The following FZD3 variants were observed in gnomAD, a reference collection of about 807,000 sequenced individuals.
FZD3 encodes frizzled class receptor 3.
Under a neutral mutation model 60.7 loss-of-function variants are expected in FZD3, and 30 were observed. That is an observed-to-expected ratio of 0.49 (90% CI 0.37 to 0.67). FZD3 has a LOEUF of 0.67. Among genes scored for constraint, FZD3 ranks in the 30% least tolerant of loss-of-function variants. The pLI is 0.00. For synonymous variants in FZD3, 246 were observed against 275.2 expected (o/e 0.89, Z 1.05); for missense variants, 605 against 838.7 (o/e 0.72, Z 3.44).
At chr8:28,551,373 G>A (rs1805407872) in intron 5 of FZD3, among the ~76,000 whole-genome samples, 2 of 152,058 alleles carry the variant, frequency 1.3e-5, no homozygotes, top group Admixed American at 6.5e-5. Context: ...AATTACCTGG[G>A]CATATTGGCA....
chr8:28,525,121 T>TG (rs1804683543), intron 4 of FZD3, among the ~76,000 whole-genome samples: 1 of 152,182 alleles, frequency 6.6e-6, no homozygotes, highest in African/African-American at 2.4e-5. Context: ...TCTGATTACT[T>TG]GGGTTAGGGT....
At chr8:28,537,754 T>A (rs1342850225) in intron 5 of FZD3, among the ~76,000 whole-genome samples, 2 of 152,248 alleles carry the variant, frequency 1.3e-5, no homozygotes, top group Non-Finnish European at 2.9e-5. Context: ...ATATAAATTG[T>A]CACTGTTGCA....
Position 28,555,987 on chromosome 8 carries a change from AG to A in FZD3, c.1787+17del, listed in dbSNP as rs1447655871. Reference sequence around the variant, plus strand: ...GTGATGGCAGGTGAGTTTTGTTAGTAGTGTAGTTTATTTCATAAGCTGAATT... The same window carrying A: ...GTGATGGCAGGTGAGTTTTGTTAGTATGTAGTTTATTTCATAAGCTGAATT... On this transcript the variant is annotated intron_variant, in intron 7 of 7. Transcript: ENST00000240093. 1.3e-6 allele frequency: 2 copies of A among 1,492,090 alleles called. No homozygotes were observed. The highest frequency in any genetic ancestry group is 2.8e-5 in the African/African-American group (2 of 72,508). 92.4% of individuals were successfully genotyped at this position (1,492,090 alleles called of 1,614,324 possible).
chr8:28,527,196 G>C lies in FZD3; in HGVS notation c.436G>C (p.Ala146Pro), dbSNP rs1396952021. 6.2e-7 allele frequency: 1 copy of C among 1,613,678 alleles called. No individual in the cohort carries two copies. The highest frequency in any genetic ancestry group is 1.7e-5 in the Admixed American group (1 of 59,956). Residue 146 changes from alanine (A) to proline (P), a missense_variant, in exon 5 of 8, where the codon GCT becomes CCT. Coordinates refer to ENST00000240093, the MANE Select transcript of FZD3 (RefSeq NM_017412.4). This position sits in a 1 kb window ranked among gnomAD's most constrained non-coding sequence, Gnocchi z 5.0. ...PYPRLVDLNL[A>P]GEPTEGAPVA... ...TCCTCGACTTGTGGATCTGAATTTA[G>C]CTGGAGAACCAACTGAAGGAGCCCC... is the stretch of plus-strand genomic sequence containing the variant.
chr8:28,532,166 C>A (rs1341011058), intron 5 of FZD3, among the ~76,000 whole-genome samples: 1 of 152,128 alleles, frequency 6.6e-6, no homozygotes, highest in Non-Finnish European at 1.5e-5. Flanking sequence ...ATTTGTATAA[C>A]CATGTGTCAA....
At position 28,502,709 on chromosome 8, in the gene FZD3, T is replaced by C. The variant is rs1804028370; in HGVS notation, c.-305T>C. ...GGAAGAAATAGCTCTTCTCCTAAGA[T>C]GGAATCTGTGGTTTGGGAATGTGGT... On this transcript the variant is annotated 5_prime_UTR_variant, in exon 3 of 8. The change abolishes an upstream ATG in the 5' untranslated region. Transcript: ENST00000240093. The C allele has an allele frequency of 4.9e-6, 1 of 203,982 alleles. No homozygotes were observed. Among genetic ancestry groups the C allele is most frequent in the Non-Finnish European group, 9.8e-6 (1 of 102,540 alleles). The allele number at this position is 203,982 out of a possible 1,614,324, so 12.6% of individuals were successfully genotyped here. A position where few individuals can be genotyped will look rare whatever the true frequency, so the allele number is the denominator to read the frequency against.
chr8:28,509,943 G>T (rs1804240120), intron 3 of FZD3, among the ~76,000 whole-genome samples: 1 of 152,096 alleles, frequency 6.6e-6, no homozygotes, highest in Admixed American at 6.5e-5. Context: ...TTTGGGGTTT[G>T]TAGTCAGAAG....
rs1444774096 is a variant in FZD3 at position 28,563,757 on chromosome 8, G to A, written c.*746G>A. On this transcript the variant is annotated 3_prime_UTR_variant, in exon 8 of 8. Transcript: ENST00000240093. ...GTTTTTATAACTTATCCATATGCATGATGGAAAAATTTTAATTTGTAGCCA... is the reference window on the plus strand; with the variant it reads ...GTTTTTATAACTTATCCATATGCATAATGGAAAAATTTTAATTTGTAGCCA... 1 of 152,516 alleles carries A rather than the reference G, an allele frequency of 6.6e-6. No individual in the cohort carries two copies. The highest frequency in any genetic ancestry group is 1.5e-5 in the Non-Finnish European group (1 of 68,028). 9.4% of individuals were successfully genotyped at this position (152,516 alleles called of 1,614,324 possible).
At position 28,573,095 on chromosome 8, in the gene FZD3, T is replaced by A. The variant is rs1805834374; in HGVS notation, c.*10084T>A. ...GCTTGGTACACTTCTTCCTAGGCAA[T>A]ATGCTCATGATACCCTCTTCATGTG... is the stretch of plus-strand genomic sequence containing the variant. On this transcript the variant is annotated 3_prime_UTR_variant, in exon 8 of 8. Transcript: ENST00000240093. 6.6e-6 allele frequency: 1 copy of A among 152,146 alleles called. No individual in the cohort carries two copies. Among genetic ancestry groups the A allele is most frequent in the Non-Finnish European group, 1.5e-5 (1 of 68,014 alleles). The allele number at this position is 152,146 out of a possible 1,614,324, so 9.4% of individuals were successfully genotyped here. A position where few individuals can be genotyped will look rare whatever the true frequency, so the allele number is the denominator to read the frequency against.
At position 28,549,273 on chromosome 8, in the gene FZD3, C is replaced by T. The variant is rs370812275; in HGVS notation, c.1405-2330C>T. Among the ~76,000 whole-genome samples, 26 of 152,314 alleles carry T rather than the reference C, an allele frequency of 1.7e-4. 1 individual carries two copies. Among genetic ancestry groups the T allele is most frequent in the African/African-American group, 4.8e-4 (20 of 41,568 alleles). The stretch of plus-strand genomic sequence containing the variant: ...TCTTTGAAGGCCCCACCTCCAAATA[C>T]AGTCACATTCTGAGGTACTGGGAGT... On this transcript the variant is annotated intron_variant, in intron 5 of 7. Transcript: ENST00000240093.
rs1198239439 is a variant in FZD3 at position 28,573,460 on chromosome 8, C to G, written c.*10449C>G. On this transcript the variant is annotated 3_prime_UTR_variant, in exon 8 of 8. Transcript: ENST00000240093. ...AGCTTGGAAATCTGCCCCCTTTGCC[C>G]AAACCCATGTGATGTCTGAAACTAC... 6.6e-6 allele frequency: 1 copy of G among 151,768 alleles called. No individual in the cohort carries two copies. Among genetic ancestry groups the G allele is most frequent in the Non-Finnish European group, 1.5e-5 (1 of 67,930 alleles). 9.4% of individuals were successfully genotyped at this position (151,768 alleles called of 1,614,324 possible).
chr8:28,559,573 C>G (rs1805578187), intron 7 of FZD3, among the ~76,000 whole-genome samples: 1 of 152,050 alleles, frequency 6.6e-6, no homozygotes, highest in Admixed American at 6.5e-5. Context: ...AATGCAAGAG[C>G]CAGAATGACA....
At chr8:28,543,455 A>T (rs538728971) in intron 5 of FZD3, among the ~76,000 whole-genome samples, 2 of 152,006 alleles carry the variant, frequency 1.3e-5, no homozygotes, top group East Asian at 3.9e-4. Context: ...GTCTCGGCTC[A>T]CTGCACCCTC....
chr8:28,494,263 C>G lies in FZD3; in HGVS notation c.-471C>G, dbSNP rs1043373619. On this transcript the variant is annotated 5_prime_UTR_variant, in exon 1 of 8. Transcript: ENST00000240093. ...GCGCGCCGGCGTTCCTCGGCCGCTCCGGGTACCTGAGGGACGCGCGGCCGC... is the reference window on the plus strand; with the variant it reads ...GCGCGCCGGCGTTCCTCGGCCGCTCGGGGTACCTGAGGGACGCGCGGCCGC... The G allele has an allele frequency of 6.6e-6, 1 of 151,754 alleles. No homozygotes were observed. The highest frequency in any genetic ancestry group is 2.4e-5 in the African/African-American group (1 of 41,372). The allele number at this position is 151,754 out of a possible 1,614,324, so 9.4% of individuals were successfully genotyped here. A position where few individuals can be genotyped will look rare whatever the true frequency, so the allele number is the denominator to read the frequency against.
Position 28,563,037 on chromosome 8 carries a change from T to C in FZD3, c.*26T>C, listed in dbSNP as rs755116965. 1.3e-5 allele frequency: 20 copies of C among 1,521,248 alleles called. No homozygotes were observed. Among genetic ancestry groups the C allele is most frequent in the Non-Finnish European group, 1.6e-5 (18 of 1,095,476 alleles). The allele number at this position is 1,521,248 out of a possible 1,614,324, so 94.2% of individuals were successfully genotyped here. A position where few individuals can be genotyped will look rare whatever the true frequency, so the allele number is the denominator to read the frequency against. On this transcript the variant is annotated 3_prime_UTR_variant, in exon 8 of 8. Transcript: ENST00000240093. ...TTTGTCTTGTCTAAGGTGGAAATCT[T>C]GTGCTGTTTAAAAAGCAGATTTTAT...
intron 3 of FZD3, among the ~76,000 whole-genome samples, chr8:28,505,847 G>A (rs1191567614): frequency 6.6e-6 from 1 of 152,120 alleles, no homozygotes; most frequent in East Asian, 1.9e-4. Flanking sequence ...ATTGAGATTG[G>A]GACATGTTTA....
chr8:28,499,756 G>T (rs1803941988), intron 1 of FZD3, among the ~76,000 whole-genome samples, 177 bp from the exon 2 acceptor site: 1 of 152,148 alleles, frequency 6.6e-6, no homozygotes, highest in Admixed American at 6.5e-5. Context: ...TATTATTAGT[G>T]AAGTTGAATA....
intron 3 of FZD3, among the ~76,000 whole-genome samples, chr8:28,514,777 G>A (rs894503151): frequency 1.3e-5 from 2 of 152,156 alleles, no homozygotes; most frequent in African/African-American, 4.8e-5. Flanking sequence ...GAATTTAGCA[G>A]GGTTCCTCCT....
intron 3 of FZD3, among the ~76,000 whole-genome samples, chr8:28,513,146 T>C (rs1371128736): frequency 6.6e-6 from 1 of 152,128 alleles, no homozygotes; most frequent in African/African-American, 2.4e-5. Context: ...TTTCAGACTT[T>C]AGGACAAAAA....
Sources: allele counts gnomAD v4.1 joint callset (sites outside exome capture counted in the v4.1 genomes callset), GRCh38; gene constraint gnomAD v4.1.1; non-coding constraint Gnocchi (gnomAD v3.1); transcripts MANE v1.5; gene names NCBI Gene and HGNC (gene_info 2026-07-23, HGNC 2026-07-21).